PACRG: variants seen among roughly 807,000 people sequenced by gnomAD.
The protein encoded by PACRG is parkin coregulated, also known as parkin coregulated gene protein.
PACRG carries 29 observed loss-of-function variants against 29.7 expected under a neutral mutation model. The observed-to-expected ratio is 0.98, with a 90% CI of 0.73 to 1.33. The LOEUF (loss-of-function observed/expected upper bound fraction) is 1.33, where lower values mean the gene tolerates loss of function less well. Among genes scored for constraint, PACRG ranks in the 40% most tolerant of loss-of-function variants. The pLI is 0.00. For synonymous variants in PACRG, 116 were observed against 118.7 expected, an observed-to-expected ratio of 0.98 and a Z score of 0.15; for missense variants, 279 against 316.2, an observed-to-expected ratio of 0.88 and a Z score of 0.89.
chr6:162,889,294 C>T (rs2128036162), intron 2 of PACRG, among the ~76,000 whole-genome samples: 1 of 152,206 alleles, frequency 6.6e-6, no homozygotes, highest in African/African-American at 2.4e-5. Context: ...AAAAATCTTT[C>T]TTTGAATGCC....
At position 162,747,392 on chromosome 6, in the gene PACRG, AT is replaced by A. The variant is rs1781126663; in HGVS notation, c.156+19002del. ...CATACATATATATGTATATATATGT[AT>A]ATATATATGTATATATATATATAAC... On this transcript the variant is annotated intron_variant, in intron 1 of 4. Transcript: ENST00000366888. Among the ~76,000 whole-genome samples the A allele has an allele frequency of 9.1e-5, 3 of 32,836 alleles. 1 individual carries two copies. The highest frequency in any genetic ancestry group is 3.8e-3 in the South Asian group (2 of 528). The allele number at this position is 32,836 out of a possible 152,430, so 21.5% of individuals were successfully genotyped here. A position where few individuals can be genotyped will look rare whatever the true frequency, so the allele number is the denominator to read the frequency against.
At chr6:163,077,989 A>T (rs906360079) in intron 3 of PACRG, among the ~76,000 whole-genome samples, 1 of 152,188 alleles carries the variant, frequency 6.6e-6, no homozygotes, top group African/African-American at 2.4e-5. Context: ...AGAACCAGCT[A>T]GATGCATTTT....
chr6:162,771,797 T>C (rs530769409), intron 1 of PACRG, among the ~76,000 whole-genome samples: 4 of 152,320 alleles, frequency 2.6e-5, no homozygotes, highest in Admixed American at 2.0e-4. Context: ...GAAAAGTGTA[T>C]TCCATTTATT....
At chr6:163,284,077 C>T (rs1169432271) in intron 4 of PACRG, among the ~76,000 whole-genome samples, 1 of 152,034 alleles carries the variant, frequency 6.6e-6, no homozygotes, top group Non-Finnish European at 1.5e-5. Context: ...CAAACCATTG[C>T]ACTCCAGCCT....
chr6:163,179,918 G>A (rs56153202), intron 4 of PACRG, among the ~76,000 whole-genome samples: 14,017 of 152,176 alleles, frequency 0.092, 705 homozygotes, highest in South Asian at 0.13. Flanking sequence ...GGCAGGAACC[G>A]CCAGGCACCC....
Position 163,078,842 on chromosome 6 carries a change from A to C in PACRG, c.464-10417A>C, listed in dbSNP as rs373781191. Among the ~76,000 whole-genome samples the C allele has an allele frequency of 2.0e-5, 3 of 152,110 alleles. No homozygotes were observed. The East Asian group carries it at 5.8e-4, about 29-fold the overall frequency. The stretch of plus-strand genomic sequence containing the variant: ...GGCTTATTCCTTAAGCCACCAAAGC[A>C]CAGGACACAGCAGGTGTCTCGAATG... On this transcript the variant is annotated intron_variant, in intron 3 of 4. Coordinates refer to ENST00000366888, the MANE Select transcript of PACRG (RefSeq NM_001080379.2).
At chr6:162,929,442 G>C (rs1797687770) in intron 2 of PACRG, among the ~76,000 whole-genome samples, 1 of 151,776 alleles carries the variant, frequency 6.6e-6, no homozygotes, top group Non-Finnish European at 1.5e-5. Flanking sequence ...TTTACTTTTT[G>C]TTATTGAGTT....
chr6:162,782,950 G>A (rs545493187), intron 1 of PACRG, among the ~76,000 whole-genome samples: 11 of 151,944 alleles, frequency 7.2e-5, no homozygotes, highest in South Asian at 6.2e-4. Context: ...ACTGAAACTC[G>A]TATGTTTTAA....
intron 4 of PACRG, among the ~76,000 whole-genome samples, chr6:163,249,071 A>G (rs1782804909): frequency 6.6e-6 from 1 of 151,868 alleles, no homozygotes; most frequent in African/African-American, 2.4e-5. Flanking sequence ...GTTCTTAATG[A>G]AACCAATAGA....
At chr6:163,090,584 CAA>C in intron 4 of PACRG, among the ~76,000 whole-genome samples, 1 of 152,186 alleles carries the variant, frequency 6.6e-6, no homozygotes, top group East Asian at 1.9e-4. Flanking sequence ...GTTTTAGTAA[CAA>C]TATTACTACA....
At chr6:163,166,926 CAAAG>C (rs1385670532) in intron 4 of PACRG, among the ~76,000 whole-genome samples, 2 of 152,098 alleles carry the variant, frequency 1.3e-5, no homozygotes, top group Non-Finnish European at 2.9e-5. Context: ...CCAAGAAATC[CAAAG>C]AAAGAATCAT....
chr6:163,214,778 T>C (rs563018757), intron 4 of PACRG, among the ~76,000 whole-genome samples: 1 of 152,270 alleles, frequency 6.6e-6, no homozygotes, highest in East Asian at 1.9e-4. Context: ...TTATTTCTCA[T>C]TTAACACTGT....
At chr6:163,041,947 C>T (rs1215799162) in intron 2 of PACRG, among the ~76,000 whole-genome samples, 1 of 152,326 alleles carries the variant, frequency 6.6e-6, no homozygotes, top group East Asian at 1.9e-4. Context: ...CTCACTGCAA[C>T]TTCCGCCTCC....
intron 4 of PACRG, among the ~76,000 whole-genome samples, chr6:163,249,097 G>A (rs1379285112): frequency 6.7e-6 from 1 of 149,200 alleles, no homozygotes; most frequent in Non-Finnish European, 1.5e-5. Context: ...GGTCACTTAA[G>A]TTTTCAATTT....
At chr6:163,163,653 T>C (rs1778663471) in intron 4 of PACRG, among the ~76,000 whole-genome samples, 1 of 151,442 alleles carries the variant, frequency 6.6e-6, no homozygotes, top group Non-Finnish European at 1.5e-5. Flanking sequence ...TTTTGTATCA[T>C]GTTATTCTTG....
chr6:163,219,856 C>T (rs903617702), intron 4 of PACRG, among the ~76,000 whole-genome samples: 5 of 152,164 alleles, frequency 3.3e-5, no homozygotes, highest in African/African-American at 1.2e-4. Context: ...ATCCTGGCCC[C>T]GGTCTCCATG....
At chr6:163,309,302 C>A (rs11757855) in intron 4 of PACRG, among the ~76,000 whole-genome samples, 13,914 of 152,274 alleles carry the variant, frequency 0.091, 659 homozygotes, top group Non-Finnish European at 0.11. Context: ...TATTTCAGAG[C>A]CTTGGTTTTA....
intron 4 of PACRG, among the ~76,000 whole-genome samples, chr6:163,238,109 A>G (rs1403398261): frequency 6.6e-6 from 1 of 152,200 alleles, no homozygotes; most frequent in African/African-American, 2.4e-5. Context: ...TTCTTGGTTA[A>G]CTGAAAAAGA....
At chr6:162,941,048 A>ATGTGTGTGTGTG (rs370462604) in intron 2 of PACRG, among the ~76,000 whole-genome samples, 5 of 81,856 alleles carry the variant, frequency 6.1e-5, no homozygotes, top group African/African-American at 1.6e-4. Flanking sequence ...GTGTTTGTGC[A>ATGTGTGTGTGTG]TGTGTGTGTG....
Sources: allele counts gnomAD v4.1 joint callset (sites outside exome capture counted in the v4.1 genomes callset), GRCh38; gene constraint gnomAD v4.1.1; transcripts MANE v1.5; gene names NCBI Gene and HGNC (gene_info 2026-07-23, HGNC 2026-07-21).